The following CLASP1 variants were observed in gnomAD, a reference collection of about 807,000 sequenced individuals.
The protein encoded by CLASP1 is CLIP-associating protein 1.
CLASP1 carries 38 observed loss-of-function variants against 192.3 expected under a neutral mutation model. That is an observed-to-expected ratio of 0.20 (90% CI 0.15 to 0.26). The LOEUF is 0.26. Among genes scored for constraint, CLASP1 ranks in the 10% least tolerant of loss-of-function variants. The probability of loss-of-function intolerance (pLI) is 1.00; values close to 1 mark genes in which losing one functional copy is unlikely to be tolerated. For missense variants in CLASP1, 1,433 were observed against 1,932.5 expected (o/e 0.74, Z 4.85); for synonymous variants, 691 against 712.8 (o/e 0.97, Z 0.49).
chr2:121,586,206 C>A (rs971491619), intron 2 of CLASP1, among the ~76,000 whole-genome samples: 2 of 152,136 alleles, frequency 1.3e-5, no homozygotes, highest in Admixed American at 6.5e-5. Flanking sequence ...CGGCTCACTG[C>A]AACCTCAGCC....
chr2:121,369,962 C>A (rs1429166513), intron 34 of CLASP1, among the ~76,000 whole-genome samples: 1 of 152,036 alleles, frequency 6.6e-6, no homozygotes, highest in African/African-American at 2.4e-5. Context: ...CCCATGGCAC[C>A]AACATTACAC....
chr2:121,563,930 G>A (rs1010410782), intron 2 of CLASP1, among the ~76,000 whole-genome samples: 11 of 152,192 alleles, frequency 7.2e-5, no homozygotes, highest in Admixed American at 5.9e-4. Context: ...ATGGGGGAAG[G>A]CAAGGAGGAG....
intron 25 of CLASP1, among the ~76,000 whole-genome samples, chr2:121,406,868 G>A (rs189411917): frequency 2.8e-4 from 43 of 152,234 alleles, no homozygotes; most frequent in African/African-American, 1.0e-3. Flanking sequence ...TGGGATTACA[G>A]GTATGAGCCA....
chr2:121,621,322 A>G (rs1050250631), intron 1 of CLASP1, among the ~76,000 whole-genome samples: 3 of 152,180 alleles, frequency 2.0e-5, no homozygotes, highest in African/African-American at 7.2e-5. Flanking sequence ...TTTAATAGAG[A>G]TGGCATCTCA....
At chr2:121,598,151 A>G (rs1463572582) in intron 2 of CLASP1, among the ~76,000 whole-genome samples, 1 of 152,192 alleles carries the variant, frequency 6.6e-6, no homozygotes, top group Non-Finnish European at 1.5e-5. Context: ...ACAACAGGGA[A>G]CCTTCACAAA....
intron 11 of CLASP1, 125 bp downstream of exon 11, chr2:121,460,976 G>A (rs2087816461): frequency 3.1e-6 from 2 of 646,498 alleles, no homozygotes; most frequent in African/African-American, 3.8e-5. Flanking sequence ...GTATAAATAT[G>A]ATAATTTGAA....
chr2:121,635,091 C>G (rs2070559273), intron 1 of CLASP1, among the ~76,000 whole-genome samples: 1 of 151,870 alleles, frequency 6.6e-6, no homozygotes. Flanking sequence ...AATCCAATCC[C>G]AGCACTTTAG....
intron 2 of CLASP1, among the ~76,000 whole-genome samples, chr2:121,595,762 C>G (rs1040799179): frequency 2.0e-5 from 3 of 152,172 alleles, no homozygotes; most frequent in African/African-American, 7.2e-5. Flanking sequence ...CACAGGCTAA[C>G]TGACTAGGCC....
intron 16 of CLASP1, 23 bp from the exon 17 acceptor site, chr2:121,449,143 T>C (rs2084923315): frequency 1.2e-6 from 2 of 1,611,280 alleles, no homozygotes; most frequent in Middle Eastern, 1.7e-4. Flanking sequence ...CACAAAATCC[T>C]GGTCTAATTC....
At chr2:121,540,830 T>C (rs2095217681) in intron 2 of CLASP1, among the ~76,000 whole-genome samples, 1 of 150,890 alleles carries the variant, frequency 6.6e-6, no homozygotes, top group African/African-American at 2.4e-5. Flanking sequence ...AAGGTGCATA[T>C]TTAGATAATA....
At chr2:121,571,337 A>G (rs2105412600) in intron 2 of CLASP1, among the ~76,000 whole-genome samples, 1 of 152,072 alleles carries the variant, frequency 6.6e-6, no homozygotes, top group Non-Finnish European at 1.5e-5. Flanking sequence ...CACCATGCCC[A>G]GCTAGTTTTT....
intron 32 of CLASP1, among the ~76,000 whole-genome samples, chr2:121,383,595 T>C (rs1050590700): frequency 2.0e-5 from 3 of 147,520 alleles, no homozygotes; most frequent in South Asian, 2.1e-4. Context: ...TTACTTCCTA[T>C]TGCTAGGGAC....
intron 39 of CLASP1, among the ~76,000 whole-genome samples, chr2:121,344,491 C>A (rs944576582): frequency 6.6e-6 from 1 of 151,856 alleles, no homozygotes; most frequent in Non-Finnish European, 1.5e-5. Context: ...GCCACCACAC[C>A]CACTTAATTT....
exon 40 of CLASP1, chr2:121,338,555 T>TCAGGAC (rs1369419344): frequency 6.6e-6 from 1 of 152,522 alleles, no homozygotes; most frequent in East Asian, 1.9e-4. Flanking sequence ...GCTGCAGCTG[T>TCAGGAC]CAGGGTCTAG....
intron 21 of CLASP1, among the ~76,000 whole-genome samples, chr2:121,425,842 C>T (rs1389624214): frequency 2.0e-5 from 3 of 152,140 alleles, no homozygotes; most frequent in Non-Finnish European, 4.4e-5. Context: ...TTAAATTCAT[C>T]GATTTAAAAG....
At chr2:121,495,044 C>T (rs919950327) in intron 8 of CLASP1, among the ~76,000 whole-genome samples, 5 of 149,310 alleles carry the variant, frequency 3.3e-5, no homozygotes, top group African/African-American at 5.0e-5. Context: ...ATAAATAGGC[C>T]GGGCACGGAG....
chr2:121,344,715 C>T (rs911882123), intron 39 of CLASP1, among the ~76,000 whole-genome samples: 1 of 152,170 alleles, frequency 6.6e-6, no homozygotes, highest in African/African-American at 2.4e-5. Context: ...ACTTGATTCT[C>T]TTTGTTTCTA....
At chr2:121,565,429 GC>G (rs2059419500) in intron 2 of CLASP1, among the ~76,000 whole-genome samples, 4 of 152,326 alleles carry the variant, frequency 2.6e-5, no homozygotes, top group Middle Eastern at 3.4e-3. Context: ...CACTATCACA[GC>G]CCCATGCAGC....
At chr2:121,422,555 C>T (rs1161947485) in intron 22 of CLASP1, among the ~76,000 whole-genome samples, 1 of 151,854 alleles carries the variant, frequency 6.6e-6, no homozygotes, top group Non-Finnish European at 1.5e-5. Context: ...CTTTAAGACA[C>T]ACAGAAATAA....
Sources: allele counts gnomAD v4.1 joint callset (sites outside exome capture counted in the v4.1 genomes callset), GRCh38; gene constraint gnomAD v4.1.1; transcripts MANE v1.5; gene names NCBI Gene and HGNC (gene_info 2026-07-23, HGNC 2026-07-21).